Variants in CDC42BPA observed in about 807,000 individuals in gnomAD.
CDC42BPA encodes CDC42 binding protein kinase alpha, also known as serine/threonine-protein kinase MRCK alpha.
Under a neutral mutation model 223.5 loss-of-function variants are expected in CDC42BPA, and 80 were observed. The ratio of observed to expected loss-of-function variants is 0.36; its 90% CI spans 0.30 to 0.43. The LOEUF is 0.43. Among genes scored for constraint, CDC42BPA ranks in the 20% least tolerant of loss-of-function variants. The pLI is 1.00. For missense variants in CDC42BPA, 1,743 were observed against 2,099.9 expected, an observed-to-expected ratio of 0.83 and a Z score of 3.32; for synonymous variants, 694 against 718.6, an observed-to-expected ratio of 0.97 and a Z score of 0.55.
rs59744442 is a variant in CDC42BPA at position 227,179,635 on chromosome 1, C to CAAAAAAAAAAAAAAAAAAAAA, written c.599+14130_599+14150dup. On this transcript the variant is annotated intron_variant, in intron 5 of 36. Transcript: ENST00000366766. Reference sequence around the variant, plus strand: ...TGGGCAACAGAGCGAGCCTCCATCTCAAAAAAAAAAAAAAAAAAAAAAAAA... The same window carrying CAAAAAAAAAAAAAAAAAAAAA: ...TGGGCAACAGAGCGAGCCTCCATCTCAAAAAAAAAAAAAAAAAAAAAAAAAAAAAAAAAAAAAAAAAAAAAA... Among the ~76,000 whole-genome samples, 2 of 34,242 alleles carry CAAAAAAAAAAAAAAAAAAAAA rather than the reference C, an allele frequency of 5.8e-5. 1 individual carries two copies. Among genetic ancestry groups the CAAAAAAAAAAAAAAAAAAAAA allele is most frequent in the Non-Finnish European group, 9.9e-5 (2 of 20,246 alleles). 22.5% of individuals were successfully genotyped at this position (34,242 alleles called of 152,430 possible).
intron 2 of CDC42BPA, among the ~76,000 whole-genome samples, chr1:227,250,202 T>G (rs895326955): frequency 6.6e-6 from 1 of 151,934 alleles, no homozygotes; most frequent in African/African-American, 2.4e-5. Flanking sequence ...ATAATAATAA[T>G]AAGGCCAGGC....
intron 1 of CDC42BPA, among the ~76,000 whole-genome samples, chr1:227,286,261 G>C (rs748504449): frequency 1.1e-4 from 16 of 152,100 alleles, no homozygotes; most frequent in Non-Finnish European, 2.4e-4. Context: ...TTTGATCACA[G>C]GCTGTTAGAA....
chr1:227,122,942 A>C (rs1374491870), intron 11 of CDC42BPA, among the ~76,000 whole-genome samples: 1 of 152,232 alleles, frequency 6.6e-6, no homozygotes, highest in African/African-American at 2.4e-5. Context: ...TATTATAAAT[A>C]CCCAACACAA....
At chr1:227,109,992 G>A (rs1035234727) in intron 14 of CDC42BPA, among the ~76,000 whole-genome samples, 1 of 151,962 alleles carries the variant, frequency 6.6e-6, no homozygotes, top group African/African-American at 2.4e-5. Context: ...GTACATGTTC[G>A]GTACAAATGC....
intron 1 of CDC42BPA, among the ~76,000 whole-genome samples, chr1:227,310,058 C>G (rs1313313563): frequency 6.6e-6 from 1 of 152,174 alleles, no homozygotes; most frequent in South Asian, 2.1e-4. Flanking sequence ...AAATTTCTTT[C>G]TAACCCTGCT....
At chr1:227,162,864 A>ATGTGTGTGTGTG (rs1261183207) in intron 5 of CDC42BPA, among the ~76,000 whole-genome samples, 69 of 26,166 alleles carry the variant, frequency 2.6e-3, no homozygotes, top group Middle Eastern at 0.021. Context: ...TAAAATAAAT[A>ATGTGTGTGTGTG]TATATGTGTG....
chr1:227,051,576 A>G (rs1673530251), intron 22 of CDC42BPA, among the ~76,000 whole-genome samples: 1 of 152,176 alleles, frequency 6.6e-6, no homozygotes, highest in Non-Finnish European at 1.5e-5. Context: ...CTGCACTGCC[A>G]TTTGCCTAGA....
intron 1 of CDC42BPA, among the ~76,000 whole-genome samples, chr1:227,303,975 A>C (rs927758693): frequency 8.5e-5 from 13 of 152,342 alleles, no homozygotes; most frequent in Middle Eastern, 3.4e-3. Context: ...TACCTTGAAA[A>C]ATTTGAGATT....
intron 2 of CDC42BPA, among the ~76,000 whole-genome samples, chr1:227,251,492 GT>G (rs1682000951): frequency 6.6e-6 from 1 of 152,064 alleles, no homozygotes; most frequent in Non-Finnish European, 1.5e-5. Context: ...CTACTGAACA[GT>G]AAACATACCA....
Position 227,174,533 on chromosome 1 carries a change from T to TC in CDC42BPA, c.600-13898dup, listed in dbSNP as rs372857315. Among the ~76,000 whole-genome samples, 238 of 152,090 alleles carry TC rather than the reference T, an allele frequency of 1.6e-3. 2 individuals are homozygous for TC. Among genetic ancestry groups the TC allele is most frequent in the African/African-American group, 5.4e-3 (222 of 41,490 alleles). On this transcript the variant is annotated intron_variant, in intron 5 of 36. Transcript: ENST00000366766. ...CTCTAGATATGAATTATGTGGTATTTCCCCCCCAACAAATTCTATTAAAAT... is the reference window on the plus strand; with the variant it reads ...CTCTAGATATGAATTATGTGGTATTTCCCCCCCCAACAAATTCTATTAAAAT...
At chr1:227,285,206 T>C (rs1688630382) in intron 1 of CDC42BPA, among the ~76,000 whole-genome samples, 1 of 152,226 alleles carries the variant, frequency 6.6e-6, no homozygotes, top group Non-Finnish European at 1.5e-5. Context: ...GAACTATGAT[T>C]CTTAATCAGA....
intron 3 of CDC42BPA, among the ~76,000 whole-genome samples, chr1:227,207,094 A>T (rs1381260916): frequency 1.6e-5 from 1 of 60,624 alleles, no homozygotes; most frequent in Non-Finnish European, 2.9e-5. Flanking sequence ...CCCCCACCCC[A>T]CAACAGTCCC....
At chr1:227,302,451 T>A (rs1330198035) in intron 1 of CDC42BPA, among the ~76,000 whole-genome samples, 1 of 152,238 alleles carries the variant, frequency 6.6e-6, no homozygotes, top group African/African-American at 2.4e-5. Context: ...GAACACTGTC[T>A]TCTAGCTTCT....
rs748162618 is a variant in CDC42BPA at position 227,193,893 on chromosome 1, A to G, written c.492T>C (p.Thr164=). 6 of 1,612,998 alleles carry G rather than the reference A, an allele frequency of 3.7e-6. No individual in the cohort carries two copies. The African/African-American group carries it at 6.7e-5, about 18-fold the overall frequency. Residue 164 remains threonine (T), a synonymous_variant, in exon 5 of 37, where the codon ACT becomes ACC. Transcript: ENST00000366766. ...ATCTATCTTCAAATTTGCTGAGTAGAGTAAGCAAATCCCCACCAACATAAT... is the reference window on the plus strand; with the variant it reads ...ATCTATCTTCAAATTTGCTGAGTAGGGTAAGCAAATCCCCACCAACATAAT... The part of the protein sequence containing the change: ...MDYYVGGDLL[T]LLSKFEDRLP...
In CDC42BPA at chr1:226,992,662, A is replaced by G. The variant is rs1326594788; in HGVS notation, c.*1606T>C. The stretch of plus-strand genomic sequence containing the variant: ...CATTTTCACTGAATTTTAAAGAGAG[A>G]ATCCTGTCTCTATTTCTCAGAGAAA... On this transcript the variant is annotated 3_prime_UTR_variant, in exon 37 of 37. Coordinates refer to ENST00000366766, the MANE Select transcript of CDC42BPA (RefSeq NM_001394014.1). 6.6e-6 allele frequency: 1 copy of G among 152,266 alleles called. No homozygotes were observed. The highest frequency in any genetic ancestry group is 2.4e-5 in the African/African-American group (1 of 41,464). 9.4% of individuals were successfully genotyped at this position (152,266 alleles called of 1,614,324 possible).
chr1:227,040,420 T>C (rs998402463), intron 23 of CDC42BPA, among the ~76,000 whole-genome samples, 184 bp from the exon 24 acceptor site: 31 of 152,192 alleles, frequency 2.0e-4, no homozygotes, highest in African/African-American at 7.2e-4. Context: ...TAATTTGAAC[T>C]GGACTAAGCT....
At chr1:227,170,871 C>G (rs995893306) in intron 5 of CDC42BPA, among the ~76,000 whole-genome samples, 2 of 152,194 alleles carry the variant, frequency 1.3e-5, no homozygotes, top group Non-Finnish European at 2.9e-5. Context: ...CTGCATGACA[C>G]ATTCTGTCTC....
chr1:227,141,183 T>C (rs1259209657), intron 9 of CDC42BPA, among the ~76,000 whole-genome samples: 2 of 152,190 alleles, frequency 1.3e-5, no homozygotes, highest in East Asian at 1.9e-4. Context: ...CATGAAGTGA[T>C]GGGGGCACAC....
At position 227,100,953 on chromosome 1, in the gene CDC42BPA, A is replaced by G; in HGVS notation, c.2249+39T>C. The G allele has an allele frequency of 1.6e-6, 2 of 1,238,774 alleles. 1 individual carries two copies. Among genetic ancestry groups the G allele is most frequent in the Middle Eastern group, 5.5e-4 (2 of 3,666 alleles). 76.7% of individuals were successfully genotyped at this position (1,238,774 alleles called of 1,614,324 possible). ...AATACTTGACACATAACAGGTACTC[A>G]GTAAGTATTTACTGTATAGTAAATA... On this transcript the variant is annotated intron_variant, in intron 15 of 36. Transcript: ENST00000366766.
Sources: gnomAD v4.1 joint callset for allele counts (sites outside exome capture counted in the v4.1 genomes callset) on GRCh38, gnomAD v4.1.1 for gene constraint, MANE v1.5 for transcripts, NCBI Gene and HGNC (gene_info 2026-07-23, HGNC 2026-07-21) for gene names.